TRMT44: variants seen among roughly 807,000 people sequenced by gnomAD.
TRMT44 encodes the protein tRNA methyltransferase 44 homolog, also known as probable tRNA (uracil-O(2)-)-methyltransferase.
A neutral mutation model predicts 77.3 loss-of-function variants in TRMT44; 78 were observed. That is an observed-to-expected ratio of 1.01 (90% CI 0.84 to 1.22). The LOEUF (loss-of-function observed/expected upper bound fraction) is 1.22. Ranked by LOEUF, TRMT44 falls within the 50% of genes most tolerant of loss-of-function variation. TRMT44 has a pLI of 0.00. For missense variants in TRMT44, 1,090 were observed against 964.4 expected (o/e 1.13, Z -1.73); for synonymous variants, 391 against 383.3 (o/e 1.02, Z -0.23).
chr4:8,449,705 G>C lies in TRMT44; in HGVS notation c.771G>C (p.Trp257Cys). 6.5e-7 allele frequency: 1 copy of C among 1,535,912 alleles called. No homozygotes were observed. The highest frequency in any genetic ancestry group is 8.7e-7 in the Non-Finnish European group (1 of 1,146,848). Reference sequence around the variant, plus strand: ...TTTTAATTTTCTGTCCAGAAAGATGGCATTCAGATGGAATCGTGTATCCCA... The same window carrying C: ...TTTTAATTTTCTGTCCAGAAAGATGCCATTCAGATGGAATCGTGTATCCCA... Reference protein sequence around the residue: ...ISVLIFCPERWHSDGIVYPKP... With the variant: ...ISVLIFCPERCHSDGIVYPKP... Residue 257 changes from tryptophan to cysteine, a missense_variant, in exon 3 of 11, where the codon TGG (tryptophan) becomes TGC (cysteine). Coordinates refer to ENST00000389737, the MANE Select transcript of TRMT44 (RefSeq NM_152544.3).
chr4:8,487,075 G>A (rs1351943892), intron 2 of TRMT44, among the ~76,000 whole-genome samples: 1 of 152,188 alleles, frequency 6.6e-6, no homozygotes, highest in Non-Finnish European at 1.5e-5. Context: ...AAGAATGCCT[G>A]GACGTCAGGC....
intron 3 of TRMT44, 68 bp downstream of exon 3, chr4:8,449,956 T>TTCTTTC: frequency 1.0e-5 from 7 of 702,082 alleles, no homozygotes; most frequent in Admixed American, 4.0e-5. Context: ...TTTCTTTTTT[T>TTCTTTC]TTTTTTTTTT....
the TRMT44 span, among the ~76,000 whole-genome samples, chr4:8,505,353 T>C: frequency 6.6e-6 from 1 of 152,082 alleles, no homozygotes; most frequent in Non-Finnish European, 1.5e-5. Context: ...TGCTCCAGGC[T>C]CAAGGGTGCA....
At chr4:8,486,435 T>C (rs889114992) in intron 2 of TRMT44, among the ~76,000 whole-genome samples, 11 of 152,208 alleles carry the variant, frequency 7.2e-5, no homozygotes, top group African/African-American at 2.7e-4. Flanking sequence ...TTAAGTCCTG[T>C]TGGGTTTGAG....
At chr4:8,441,534 C>G (rs1724699194) in intron 1 of TRMT44, 93 bp downstream of exon 1, 2 of 1,376,616 alleles carry the variant, frequency 1.5e-6, no homozygotes, top group Admixed American at 5.9e-5. Flanking sequence ...GTACTAGTTC[C>G]TCTGCGATGT....
chr4:8,515,219 G>A, the TRMT44 span, among the ~76,000 whole-genome samples: 3 of 152,108 alleles, frequency 2.0e-5, no homozygotes, highest in African/African-American at 7.2e-5. Flanking sequence ...CTCCCGCCTT[G>A]GCCTCCCAAA....
intron 1 of TRMT44, 64 bp downstream of exon 1, chr4:8,441,505 C>A: frequency 1.4e-6 from 2 of 1,429,328 alleles, no homozygotes; most frequent in South Asian, 3.1e-5. Context: ...AACCTCGGGT[C>A]AATGAAAAAG....
the TRMT44 span, among the ~76,000 whole-genome samples, chr4:8,513,879 C>A: frequency 6.6e-6 from 1 of 152,190 alleles, no homozygotes; most frequent in East Asian, 1.9e-4. Context: ...CCGGCAGATA[C>A]CTGCAAGTGC....
At chr4:8,463,507 C>A (rs1356669723) in intron 6 of TRMT44, among the ~76,000 whole-genome samples, 2 of 152,190 alleles carry the variant, frequency 1.3e-5, no homozygotes, top group African/African-American at 4.8e-5. Context: ...AATTCTCTGT[C>A]TATTCATAGA....
Position 8,464,066 on chromosome 4 carries a change from C to A in TRMT44, c.1285C>A (p.Pro429Thr). 6.2e-7 allele frequency: 1 copy of A among 1,613,910 alleles called. No homozygotes were observed. Among genetic ancestry groups the A allele is most frequent in the Admixed American group, 1.7e-5 (1 of 60,000 alleles). The change falls in exon 7 of 11, where the codon CCA becomes ACA. Residue 429 changes from proline (P) to threonine (T), a missense_variant. Transcript: ENST00000389737. ...LIGNHSDELTPWIPVIAARSS... is the reference protein window; with the variant it reads ...LIGNHSDELTTWIPVIAARSS... Reference sequence around the variant, plus strand: ...CGGTAACCATTCTGATGAACTCACACCATGGATACCTGTCATTGCAGCCAG... The same window carrying A: ...CGGTAACCATTCTGATGAACTCACAACATGGATACCTGTCATTGCAGCCAG...
downstream of TRMT44, among the ~76,000 whole-genome samples, chr4:8,497,161 G>GAAAA (rs35917442): frequency 6.9e-6 from 1 of 144,040 alleles, no homozygotes. Context: ...AAGGTTGAGG[G>GAAAA]AAAAAAAAAA....
chr4:8,465,117 T>C (rs1451856859), intron 7 of TRMT44, among the ~76,000 whole-genome samples: 3 of 152,178 alleles, frequency 2.0e-5, no homozygotes, highest in African/African-American at 7.2e-5. Context: ...GTAGTTACTA[T>C]GCTCACTGCT....
the TRMT44 span, among the ~76,000 whole-genome samples, chr4:8,515,210 T>G: frequency 6.6e-6 from 1 of 152,150 alleles, no homozygotes; most frequent in African/African-American, 2.4e-5. Context: ...CAAGCAATCC[T>G]CCCGCCTTGG....
In TRMT44 at chr4:8,461,941, CT is replaced by C. The variant is rs1382171925; in HGVS notation, c.1204-2037del. ...GTCAAAGGCCAGGCGTAGAATATAA[CT>C]TTTTTTCTTTCTTTCAAAAACCTCA... On this transcript the variant is annotated intron_variant, in intron 6 of 10. Transcript: ENST00000389737. The surrounding 1 kb of genome is among the most constrained non-coding windows in gnomAD (Gnocchi z 4.6). 6.6e-6 allele frequency among the ~76,000 whole-genome samples: 1 copy of C among 152,156 alleles called. No individual in the cohort carries two copies. Among genetic ancestry groups the C allele is most frequent in the Non-Finnish European group, 1.5e-5 (1 of 68,032 alleles).
the TRMT44 span, among the ~76,000 whole-genome samples, chr4:8,500,475 A>G: frequency 5.3e-5 from 8 of 151,988 alleles, no homozygotes; most frequent in Non-Finnish European, 8.8e-5. Context: ...CAGCCTGGGC[A>G]ACAGAGCGAG....
chr4:8,459,131 G>A (rs2109130013), intron 6 of TRMT44, among the ~76,000 whole-genome samples: 1 of 152,338 alleles, frequency 6.6e-6, no homozygotes, highest in African/African-American at 2.4e-5. Flanking sequence ...GAGTTTGGGA[G>A]GTTGAGACTG....
In TRMT44 at chr4:8,451,226, C is replaced by T. The variant is rs2109103543; in HGVS notation, c.955-734C>T. 6.6e-6 allele frequency among the ~76,000 whole-genome samples: 1 copy of T among 152,182 alleles called. No homozygotes were observed. The highest frequency in any genetic ancestry group is 1.9e-4 in the East Asian group (1 of 5,180). On this transcript the variant is annotated intron_variant, in intron 3 of 10. Coordinates refer to ENST00000389737, the MANE Select transcript of TRMT44 (RefSeq NM_152544.3). The surrounding 1 kb of genome is among the most constrained non-coding windows in gnomAD (Gnocchi z 4.1). Reference sequence around the variant, plus strand: ...CCCTCCCACATCCTGGCCTCGTGGTCCTTTGCCATCTTGTTAGCTATTTGG... The same window carrying T: ...CCCTCCCACATCCTGGCCTCGTGGTTCTTTGCCATCTTGTTAGCTATTTGG...
Position 8,452,805 on chromosome 4 carries a change from T to G in TRMT44, c.1024-77T>G. The G allele has an allele frequency of 2.6e-6, 2 of 768,652 alleles. No homozygotes were observed. Among genetic ancestry groups the G allele is most frequent in the Non-Finnish European group, 2.0e-6 (1 of 496,878 alleles). 47.6% of individuals were successfully genotyped at this position (768,652 alleles called of 1,614,324 possible). On this transcript the variant is annotated intron_variant, in intron 4 of 10. Transcript: ENST00000389737. The surrounding 1 kb of genome is among the most constrained non-coding windows in gnomAD (Gnocchi z 5.7). Reference sequence around the variant, plus strand: ...GTTTCCTTTCACTCAGAGTTTTCTTTGACCAGTTTGTGTCTAAATTATTCT... The same window carrying G: ...GTTTCCTTTCACTCAGAGTTTTCTTGGACCAGTTTGTGTCTAAATTATTCT...
intron 5 of TRMT44, among the ~76,000 whole-genome samples, chr4:8,453,224 G>C (rs1170471384): frequency 1.3e-5 from 2 of 152,202 alleles, no homozygotes; most frequent in Non-Finnish European, 2.9e-5. Flanking sequence ...CCCCGGCATG[G>C]ACCTATAAAA....
Sources: allele counts gnomAD v4.1 joint callset (sites outside exome capture counted in the v4.1 genomes callset), GRCh38; gene constraint gnomAD v4.1.1; non-coding constraint Gnocchi (gnomAD v3.1); transcripts MANE v1.5; gene names NCBI Gene and HGNC (gene_info 2026-07-23, HGNC 2026-07-21).